AGBL1: variants seen among roughly 807,000 people sequenced by gnomAD.
The protein encoded by AGBL1 is AGBL carboxypeptidase 1.
A neutral mutation model predicts 118.9 loss-of-function variants in AGBL1; 130 were observed. The observed-to-expected ratio is 1.09, with a 90% confidence interval of 0.95 to 1.26. AGBL1 has a LOEUF of 1.26. AGBL1 is among the 50% of genes most tolerant of loss of function. The pLI is 0.00. For synonymous variants in AGBL1, 555 were observed against 478.9 expected (o/e 1.16, Z -2.08); for missense variants, 1,584 against 1,298.1 (o/e 1.22, Z -3.38).
chr15:86,382,551 C>A (rs1251250876), intron 17 of AGBL1, among the ~76,000 whole-genome samples: 3 of 151,990 alleles, frequency 2.0e-5, no homozygotes. Context: ...ACGTAAAAGG[C>A]CGGTTGCCCA....
At chr15:86,565,197 G>C (rs1193913601) in intron 21 of AGBL1, among the ~76,000 whole-genome samples, 2 of 152,238 alleles carry the variant, frequency 1.3e-5, no homozygotes. Flanking sequence ...TTTGGAGGGG[G>C]AGAGGCACTC....
Position 86,656,206 on chromosome 15 carries a change from C to T in AGBL1, c.2995-18067C>T, listed in dbSNP as rs1035353099. ...AAGTCTTTATTCTATATTAAATACA[C>T]ATAAACTACTTTCAACCATCTTAAC... is the stretch of plus-strand genomic sequence containing the variant. On this transcript the variant is annotated intron_variant, in intron 21 of 22. Transcript: ENST00000614907. Among the ~76,000 whole-genome samples the T allele has an allele frequency of 1.1e-4, 17 of 152,200 alleles. No homozygotes were observed. The East Asian group carries it at 3.3e-3, about 29-fold the overall frequency.
At chr15:86,657,990 A>C (rs2085487571) in intron 21 of AGBL1, among the ~76,000 whole-genome samples, 1 of 152,074 alleles carries the variant, frequency 6.6e-6, no homozygotes, top group Admixed American at 6.6e-5. Context: ...GGACTGTTGT[A>C]AGAGTTAAAA....
chr15:86,258,842 G>A (rs184181528), intron 9 of AGBL1, among the ~76,000 whole-genome samples: 2 of 152,256 alleles, frequency 1.3e-5, no homozygotes, highest in Non-Finnish European at 1.5e-5. Flanking sequence ...AAGTAACTGG[G>A]ACTGCAGATG....
intron 18 of AGBL1, among the ~76,000 whole-genome samples, chr15:86,483,817 T>A (rs1358827221): frequency 6.6e-6 from 1 of 152,142 alleles, no homozygotes; most frequent in African/African-American, 2.4e-5. Flanking sequence ...TCTGCATCCC[T>A]ACAATTATTG....
chr15:86,219,954 T>C (rs954359117), intron 5 of AGBL1, among the ~76,000 whole-genome samples: 9 of 144,618 alleles, frequency 6.2e-5, no homozygotes, highest in Non-Finnish European at 1.2e-4. Context: ...TCTTTTTTTT[T>C]TTTTTTTTTT....
chr15:86,955,820 A>G (rs956481981), intron 23 of AGBL1, among the ~76,000 whole-genome samples: 1 of 152,104 alleles, frequency 6.6e-6, no homozygotes, highest in Admixed American at 6.6e-5. Context: ...CTTTCCCTCC[A>G]TAGAAGAAAG....
intron 22 of AGBL1, among the ~76,000 whole-genome samples, chr15:86,675,910 G>A (rs1360582492): frequency 6.6e-6 from 1 of 152,126 alleles, no homozygotes; most frequent in Non-Finnish European, 1.5e-5. Flanking sequence ...CTGCAAACTG[G>A]AACAAAAAGA....
chr15:86,267,237 AG>A (rs2079088870), intron 13 of AGBL1, among the ~76,000 whole-genome samples, 161 bp downstream of exon 13: 1 of 152,188 alleles, frequency 6.6e-6, no homozygotes, highest in African/African-American at 2.4e-5. Flanking sequence ...GTACGAGTGA[AG>A]GTTTTTCCTT....
At chr15:86,281,380 C>G (rs993096873) in intron 16 of AGBL1, among the ~76,000 whole-genome samples, 2 of 151,988 alleles carry the variant, frequency 1.3e-5, no homozygotes, top group Non-Finnish European at 2.9e-5. Flanking sequence ...GAGACCCTAT[C>G]TAAAAAACAA....
intron 21 of AGBL1, among the ~76,000 whole-genome samples, chr15:86,584,175 G>T (rs774078965): frequency 4.6e-5 from 7 of 152,078 alleles, no homozygotes; most frequent in Non-Finnish European, 7.4e-5. Flanking sequence ...CTGTGCAGAA[G>T]CTCTTCAGTT....
At chr15:86,210,023 C>A (rs1345853169) in intron 5 of AGBL1, among the ~76,000 whole-genome samples, 1 of 152,174 alleles carries the variant, frequency 6.6e-6, no homozygotes, top group African/African-American at 2.4e-5. Context: ...GTGACAAAAT[C>A]TCTCAGCATT....
chr15:86,758,106 A>G (rs189316927), intron 22 of AGBL1, among the ~76,000 whole-genome samples: 4 of 152,032 alleles, frequency 2.6e-5, no homozygotes, highest in African/African-American at 9.7e-5. Context: ...CAATTCTCCT[A>G]TGGTAAAATC....
rs187575079 is a variant in AGBL1, at chr15:86,239,730, A to G, written c.527-7941A>G. Among the ~76,000 whole-genome samples, 1,448 of 152,314 alleles carry G rather than the reference A, an allele frequency of 9.5e-3. 16 individuals carry two copies. Among genetic ancestry groups the G allele is most frequent in the South Asian group, 0.033 (160 of 4,824 alleles). On this transcript the variant is annotated intron_variant, in intron 6 of 22. Coordinates refer to ENST00000614907, the MANE Select transcript of AGBL1 (RefSeq NM_001386094.1). ...TGAGAGGGAACAGAGAAGTTGGAGGAGGGGGATTGGCTAAAAGCCACTCTT... is the reference window on the plus strand; with the variant it reads ...TGAGAGGGAACAGAGAAGTTGGAGGGGGGGGATTGGCTAAAAGCCACTCTT...
At chr15:86,535,075 T>C (rs1318138466) in intron 19 of AGBL1, among the ~76,000 whole-genome samples, 1 of 152,140 alleles carries the variant, frequency 6.6e-6, no homozygotes, top group Non-Finnish European at 1.5e-5. Context: ...AGATTTAAAA[T>C]GCAATGAGGA....
chr15:86,200,990 A>G (rs2077898830), intron 5 of AGBL1, among the ~76,000 whole-genome samples: 1 of 152,210 alleles, frequency 6.6e-6, no homozygotes, highest in South Asian at 2.1e-4. Context: ...GTTTTCATAC[A>G]GTAAAAGTAC....
intron 24 of AGBL1, among the ~76,000 whole-genome samples, chr15:87,014,256 G>T (rs1294004913): frequency 7.2e-6 from 1 of 138,476 alleles, no homozygotes; most frequent in African/African-American, 2.6e-5. Flanking sequence ...TCACAAAGAA[G>T]GCTGTGTGTA....
intron 7 of AGBL1, among the ~76,000 whole-genome samples, chr15:86,253,533 G>A (rs1342143578): frequency 6.6e-6 from 1 of 152,086 alleles, no homozygotes; most frequent in Non-Finnish European, 1.5e-5. Flanking sequence ...ACAGGCGTGA[G>A]GCACCATGCC....
intron 21 of AGBL1, among the ~76,000 whole-genome samples, chr15:86,642,824 T>C (rs1259684995): frequency 2.0e-5 from 3 of 152,158 alleles, no homozygotes; most frequent in African/African-American, 4.8e-5. Context: ...GAGCACTGGG[T>C]AGCTACCATC....
Sources: gnomAD v4.1 joint callset for allele counts (sites outside exome capture counted in the v4.1 genomes callset) on GRCh38, gnomAD v4.1.1 for gene constraint, MANE v1.5 for transcripts, NCBI Gene and HGNC (gene_info 2026-07-23, HGNC 2026-07-21) for gene names.